OTUD4: variants seen among roughly 807,000 people sequenced by gnomAD.
The protein encoded by OTUD4 is OTU domain-containing protein 4.
OTUD4 carries 24 observed loss-of-function variants against 130.4 expected under a neutral mutation model. The observed-to-expected ratio is 0.18, with a 90% CI of 0.13 to 0.26. The LOEUF is 0.26. OTUD4 is among the 10% of genes least tolerant of loss of function. The pLI, the probability that OTUD4 is intolerant of heterozygous loss-of-function variation, is 1.00. For missense variants in OTUD4, 1,031 were observed against 1,329.4 expected (o/e 0.78, Z 3.49); for synonymous variants, 420 against 472.5 (o/e 0.89, Z 1.44).
intron 6 of OTUD4, among the ~76,000 whole-genome samples, chr4:145,161,015 CAGG>C (rs886101038): frequency 8.6e-5 from 13 of 151,986 alleles, no homozygotes; most frequent in Non-Finnish European, 1.8e-4. Context: ...GAGGCTGAGG[CAGG>C]AGAATAGCTT....
At chr4:145,139,159 T>C (rs1272359843) in intron 20 of OTUD4, among the ~76,000 whole-genome samples, 1 of 152,234 alleles carries the variant, frequency 6.6e-6, no homozygotes, top group African/African-American at 2.4e-5. Flanking sequence ...ATCCTTCCTC[T>C]GCAAGAGTTC....
At chr4:145,179,706 C>T (rs556478593) in intron 1 of OTUD4, 109 bp downstream of exon 1, 187 of 1,415,056 alleles carry the variant, frequency 1.3e-4, no homozygotes, top group South Asian at 9.3e-4. Flanking sequence ...CCAGGGCACG[C>T]GCAGCCCCGG....
Position 145,137,584 on chromosome 4 carries a change from T to C in OTUD4, c.3191A>G (p.Tyr1064Cys). ...GGACTCCTCACTTCTCACATGTTGA[T>C]ATCCACCCCTACCAGAATAGCCCCA... is the stretch of plus-strand genomic sequence containing the variant. ...SDWGYSGRGG[Y>C]QHVRSEESWK... Residue 1064 changes from tyrosine to cysteine, a missense_variant, in exon 21 of 21, where the codon TAT becomes TGT. By Grantham distance (194) the Tyr-to-Cys change is radical. This residue lies in a region of OTUD4 where 900 missense variants were observed against 1,095.9 expected (regional missense o/e 0.82). Transcript: ENST00000447906. The C allele has an allele frequency of 6.2e-7, 1 of 1,613,590 alleles. No individual in the cohort carries two copies. The highest frequency in any genetic ancestry group is 2.2e-5 in the East Asian group (1 of 44,780).
At chr4:145,173,367 C>T (rs1752269021) in intron 2 of OTUD4, among the ~76,000 whole-genome samples, 2 of 151,738 alleles carry the variant, frequency 1.3e-5, no homozygotes, top group African/African-American at 4.8e-5. Context: ...GCACTCCAGC[C>T]TGGGCGACAG....
At chr4:145,155,034 C>T (rs1258528561) in intron 10 of OTUD4, among the ~76,000 whole-genome samples, 1 of 152,190 alleles carries the variant, frequency 6.6e-6, no homozygotes, top group Non-Finnish European at 1.5e-5. Context: ...ATCAACATCT[C>T]CCAAGATGAT....
intron 13 of OTUD4, 61 bp downstream of exon 13, chr4:145,150,452 G>A (rs891406727): frequency 1.8e-6 from 2 of 1,135,094 alleles, no homozygotes; most frequent in Non-Finnish European, 1.3e-6. Flanking sequence ...ACATAATGTG[G>A]CAAATATAAC....
chr4:145,153,862 T>C (rs1050817467), intron 10 of OTUD4, among the ~76,000 whole-genome samples: 3 of 152,254 alleles, frequency 2.0e-5, no homozygotes, highest in African/African-American at 7.2e-5. Flanking sequence ...TTTCTGAACT[T>C]AGTTATCAAA....
chr4:145,179,670 G>C, intron 1 of OTUD4, 145 bp downstream of exon 1: 1 of 1,403,580 alleles, frequency 7.1e-7, no homozygotes, highest in Non-Finnish European at 9.2e-7. Flanking sequence ...CCACTCCGGC[G>C]TTACAATGGG....
Position 145,138,229 on chromosome 4 carries a change from C to G in OTUD4, c.2546G>C (p.Gly849Ala). ...QPSFGPNPFL[G>A]PVPIAPPFFP... is the part of the protein sequence containing the mutation. ...GAAAGGAGGTGCAATAGGAACTGGG[C>G]CTAAGAATGGATTGGGTCCAAAAGA... The change falls in exon 21 of 21, where the codon GGC becomes GCC. Residue 849 changes from glycine to alanine, a missense_variant. Physicochemically the swap from Gly to Ala is moderately conservative, Grantham distance 60. Transcript: ENST00000447906. 2 of 1,613,904 alleles carry G rather than the reference C, an allele frequency of 1.2e-6. No homozygotes were observed. The highest frequency in any genetic ancestry group is 1.7e-6 in the Non-Finnish European group (2 of 1,179,856).
In OTUD4 at chr4:145,138,451, C is replaced by A; in HGVS notation, c.2324G>T (p.Ser775Ile). 6.2e-7 allele frequency: 1 copy of A among 1,614,170 alleles called. No individual in the cohort carries two copies. Among genetic ancestry groups the A allele is most frequent in the Non-Finnish European group, 8.5e-7 (1 of 1,180,032 alleles). ...TGGCTGTGGCATTTGACCATTAACA[C>A]TGGCCTCAGTCTGCATAGGAAAGTG... is the stretch of plus-strand genomic sequence containing the variant. ...DAHFPMQTEA[S>I]VNGQMPQPEI... is the part of the protein sequence containing the mutation. The change falls in exon 21 of 21, where the codon AGT becomes ATT. Residue 775 changes from serine (S) to isoleucine (I), a missense_variant. Around this residue, in one of 3 missense-constraint regions of OTUD4, gnomAD observed 900 missense variants for 1,095.9 expected, o/e 0.82. Transcript: ENST00000447906.
At chr4:145,176,533 CAA>C (rs879310700) in intron 1 of OTUD4, among the ~76,000 whole-genome samples, 14 of 111,234 alleles carry the variant, frequency 1.3e-4, no homozygotes, top group Admixed American at 9.0e-5. Context: ...CTAAAAAATA[CAA>C]AAAAAAAAAA....
intron 7 of OTUD4, among the ~76,000 whole-genome samples, chr4:145,158,770 G>A (rs1299532924): frequency 3.3e-5 from 5 of 152,072 alleles, no homozygotes; most frequent in African/African-American, 1.2e-4. Flanking sequence ...ACCGTATCTA[G>A]GACCTAGGCT....
rs201466430 is a variant in OTUD4, at chr4:145,136,485, A to C, written c.*945T>G. On this transcript the variant is annotated 3_prime_UTR_variant, in exon 21 of 21. Coordinates refer to ENST00000447906, the MANE Select transcript of OTUD4 (RefSeq NM_001366057.1). ...GTGCGGGGGGGGGGGGGAGGAAGAA[A>C]ACAACTCTAGAAACCTGTCAAGCTA... is the stretch of plus-strand genomic sequence containing the variant. The C allele has an allele frequency of 3.1e-5, 2 of 64,714 alleles. No homozygotes were observed. The highest frequency in any genetic ancestry group is 8.3e-4 in the East Asian group (1 of 1,208). The allele number at this position is 64,714 out of a possible 1,614,324, so 4.0% of individuals were successfully genotyped here. A position where few individuals can be genotyped will look rare whatever the true frequency, so the allele number is the denominator to read the frequency against.
At chr4:145,141,340 A>C in intron 19 of OTUD4, 39 bp downstream of exon 19, 2 of 1,526,942 alleles carry the variant, frequency 1.3e-6, no homozygotes, top group Non-Finnish European at 1.8e-6. Context: ...GCTTATTTGG[A>C]CTTGATAAAG....
intron 20 of OTUD4, among the ~76,000 whole-genome samples, chr4:145,138,931 C>A (rs1443572324): frequency 6.6e-6 from 1 of 152,206 alleles, no homozygotes; most frequent in East Asian, 1.9e-4. Context: ...TTTAGCCAGA[C>A]CTGCATTCAC....
intron 3 of OTUD4, among the ~76,000 whole-genome samples, chr4:145,167,617 G>C (rs1431742063): frequency 1.3e-5 from 2 of 152,156 alleles, no homozygotes; most frequent in African/African-American, 4.8e-5. Flanking sequence ...AGCACTTTGG[G>C]AGGCCAAGGA....
At chr4:145,158,396 G>A (rs1461140577) in intron 7 of OTUD4, among the ~76,000 whole-genome samples, 1 of 151,840 alleles carries the variant, frequency 6.6e-6, no homozygotes, top group East Asian at 1.9e-4. Context: ...GCAGGAGAAT[G>A]GCGTGAACCC....
intron 6 of OTUD4, among the ~76,000 whole-genome samples, chr4:145,160,889 C>A (rs936747618): frequency 2.0e-5 from 3 of 152,034 alleles, no homozygotes; most frequent in Non-Finnish European, 2.9e-5. Context: ...GTAGGCGGAT[C>A]AGTTGAGGTC....
At chr4:145,158,477 G>T (rs575535164) in intron 7 of OTUD4, among the ~76,000 whole-genome samples, 1 of 145,308 alleles carries the variant, frequency 6.9e-6, no homozygotes. Context: ...GCAAGACTCC[G>T]ATTCAAAAAC....
Sources: allele counts gnomAD v4.1 joint callset (sites outside exome capture counted in the v4.1 genomes callset), GRCh38; gene constraint gnomAD v4.1.1; regional missense constraint gnomAD v4.1.1; transcripts MANE v1.5; gene names NCBI Gene and HGNC (gene_info 2026-07-23, HGNC 2026-07-21).